Variants in TESK2 observed in about 807,000 individuals in gnomAD.
The protein encoded by TESK2 is dual specificity testis-specific protein kinase 2.
Under a neutral mutation model 57.1 loss-of-function variants are expected in TESK2, and 39 were observed. The observed-to-expected ratio is 0.68, with a 90% CI of 0.53 to 0.89. TESK2 has a LOEUF of 0.89. TESK2 is among the 40% of genes least tolerant of loss of function. The pLI is 0.00. For synonymous variants in TESK2, 249 were observed against 267.9 expected, an observed-to-expected ratio of 0.93 and a Z score of 0.69; for missense variants, 646 against 732.1, an observed-to-expected ratio of 0.88 and a Z score of 1.36.
intron 2 of TESK2, among the ~76,000 whole-genome samples, chr1:45,445,328 C>T (rs1267880153): frequency 6.6e-6 from 1 of 152,154 alleles, no homozygotes; most frequent in East Asian, 1.9e-4. Context: ...ATTCTCATTG[C>T]TTGGCTTGCT....
chr1:45,363,679 A>G (rs144755365), intron 4 of TESK2, among the ~76,000 whole-genome samples: 3 of 152,342 alleles, frequency 2.0e-5, no homozygotes, highest in African/African-American at 7.2e-5. Flanking sequence ...CAGTCTATGC[A>G]AAAGGAACAC....
chr1:45,358,466 A>T (rs1272000312), intron 4 of TESK2, among the ~76,000 whole-genome samples: 4 of 152,162 alleles, frequency 2.6e-5, no homozygotes, highest in African/African-American at 9.7e-5. Flanking sequence ...CAACAGAGAG[A>T]GACCCAGTCT....
At chr1:45,458,755 T>C (rs1326116235) in intron 1 of TESK2, among the ~76,000 whole-genome samples, 1 of 151,894 alleles carries the variant, frequency 6.6e-6, no homozygotes, top group Non-Finnish European at 1.5e-5. Flanking sequence ...GAAAACTATA[T>C]CCAAAAGCAA....
At chr1:45,364,534 T>A (rs1647827117) in intron 4 of TESK2, among the ~76,000 whole-genome samples, 3 of 152,340 alleles carry the variant, frequency 2.0e-5, no homozygotes, top group South Asian at 4.1e-4. Context: ...ATAATAAGTT[T>A]CTGCTATGTC....
chr1:45,386,609 T>TGGAAGAC (rs1160941298), intron 3 of TESK2, among the ~76,000 whole-genome samples: 4 of 152,074 alleles, frequency 2.6e-5, no homozygotes, highest in Admixed American at 1.3e-4. Flanking sequence ...TCTGGGATTT[T>TGGAAGAC]GGAACACCTG....
At chr1:45,472,136 C>CAGCT (rs1222733966) in intron 1 of TESK2, among the ~76,000 whole-genome samples, 2 of 151,920 alleles carry the variant, frequency 1.3e-5, no homozygotes, top group East Asian at 3.9e-4. Context: ...CCTGTAGTCC[C>CAGCT]AGCTACTCGG....
chr1:45,461,557 TG>T (rs1188172530), intron 1 of TESK2, among the ~76,000 whole-genome samples: 2 of 152,124 alleles, frequency 1.3e-5, no homozygotes, highest in Non-Finnish European at 2.9e-5. Context: ...CTATGAGAGC[TG>T]TAGAAAGAAC....
intron 4 of TESK2, among the ~76,000 whole-genome samples, chr1:45,370,409 T>C (rs1648125262): frequency 6.6e-6 from 1 of 152,222 alleles, no homozygotes; most frequent in South Asian, 2.1e-4. Flanking sequence ...ACAAATATGA[T>C]AAGCAGCTAC....
chr1:45,359,462 A>C (rs1468634626), intron 4 of TESK2, among the ~76,000 whole-genome samples: 2 of 152,078 alleles, frequency 1.3e-5, no homozygotes, highest in Non-Finnish European at 2.9e-5. Flanking sequence ...CGGGAGGCTG[A>C]GGCAGGAGAA....
intron 3 of TESK2, among the ~76,000 whole-genome samples, chr1:45,413,678 AG>A (rs1346077302): frequency 2.0e-5 from 3 of 152,190 alleles, no homozygotes; most frequent in Admixed American, 6.5e-5. Context: ...AATATAAAAA[AG>A]ATAAAAAGTG....
chr1:45,446,290 C>G (rs1428747184), intron 2 of TESK2, among the ~76,000 whole-genome samples: 2 of 151,472 alleles, frequency 1.3e-5, no homozygotes, highest in Non-Finnish European at 2.9e-5. Flanking sequence ...GAGACTCCAT[C>G]TCTACAAAAA....
At chr1:45,435,429 ATTTT>A (rs527875708) in intron 2 of TESK2, among the ~76,000 whole-genome samples, 2 of 133,940 alleles carry the variant, frequency 1.5e-5, no homozygotes, top group African/African-American at 5.5e-5. Flanking sequence ...GCACCCAGCC[ATTTT>A]TTTTTTTTTT....
intron 1 of TESK2, among the ~76,000 whole-genome samples, chr1:45,483,373 A>G (rs1212277863): frequency 6.6e-6 from 1 of 152,054 alleles, no homozygotes; most frequent in Non-Finnish European, 1.5e-5. Context: ...AGGCAGGCGG[A>G]TGGCCTGAGG....
At chr1:45,479,043 C>G (rs1346392911) in intron 1 of TESK2, among the ~76,000 whole-genome samples, 1 of 152,044 alleles carries the variant, frequency 6.6e-6, no homozygotes, top group Non-Finnish European at 1.5e-5. Flanking sequence ...CTTTTTGAAT[C>G]ATGGGCAAAT....
chr1:45,403,881 C>CG (rs1305310319), intron 3 of TESK2, among the ~76,000 whole-genome samples: 4 of 85,264 alleles, frequency 4.7e-5, no homozygotes, highest in South Asian at 3.7e-4. Context: ...GCCATGCAAG[C>CG]GAAAAAAAAA....
intron 4 of TESK2, among the ~76,000 whole-genome samples, chr1:45,372,929 G>A (rs1416934503): frequency 6.6e-6 from 1 of 151,044 alleles, no homozygotes; most frequent in Non-Finnish European, 1.5e-5. Context: ...TTGGGAGGCT[G>A]AGGCAGGAGA....
At chr1:45,346,213 C>G (rs1198575835) in intron 9 of TESK2, among the ~76,000 whole-genome samples, 1 of 152,218 alleles carries the variant, frequency 6.6e-6, no homozygotes, top group Non-Finnish European at 1.5e-5. Flanking sequence ...CACCTTGTCA[C>G]AGAACCTTCC....
intron 2 of TESK2, among the ~76,000 whole-genome samples, chr1:45,437,078 A>T (rs1651262736): frequency 6.6e-6 from 1 of 152,218 alleles, no homozygotes; most frequent in Non-Finnish European, 1.5e-5. Context: ...TACAGGAGTG[A>T]GCCGCTGCGC....
intron 2 of TESK2, among the ~76,000 whole-genome samples, chr1:45,429,145 C>T (rs1200064433): frequency 6.6e-6 from 1 of 152,158 alleles, no homozygotes; most frequent in Admixed American, 6.5e-5. Context: ...GACATTTTAA[C>T]ACATCTCTCA....
Sources: allele counts gnomAD v4.1 joint callset (sites outside exome capture counted in the v4.1 genomes callset), GRCh38; gene constraint gnomAD v4.1.1; transcripts MANE v1.5; gene names NCBI Gene and HGNC (gene_info 2026-07-23, HGNC 2026-07-21).